UBN2: variants seen among roughly 807,000 people sequenced by gnomAD.
UBN2 encodes ubinuclein 2.
UBN2 carries 35 observed loss-of-function variants against 120.2 expected under a neutral mutation model. That is an observed-to-expected ratio of 0.29 (90% CI 0.22 to 0.39). UBN2 has a LOEUF of 0.39. Ranked by LOEUF, UBN2 falls within the 10% of genes least tolerant of loss-of-function variation. UBN2 has a pLI of 1.00. For synonymous variants in UBN2, 661 were observed against 648.7 expected (o/e 1.02, Z -0.29); for missense variants, 1,693 against 1,663.2 (o/e 1.02, Z -0.31).
intron 2 of UBN2, among the ~76,000 whole-genome samples, chr7:139,244,545 T>G (rs1796411209): frequency 6.6e-6 from 1 of 152,124 alleles, no homozygotes; most frequent in Non-Finnish European, 1.5e-5. Flanking sequence ...TACATGAATA[T>G]GTTCCTTTTA....
chr7:139,320,305 T>C, the UBN2 span, among the ~76,000 whole-genome samples: 1 of 150,262 alleles, frequency 6.7e-6, no homozygotes, highest in Non-Finnish European at 1.5e-5. Context: ...CTACTAAGAA[T>C]ACAAAAATTA....
At chr7:139,318,038 C>T in the UBN2 span, among the ~76,000 whole-genome samples, 1 of 152,148 alleles carries the variant, frequency 6.6e-6, no homozygotes. Flanking sequence ...GATTCTGTGC[C>T]ACTGCTTGTT....
chr7:139,245,422 C>T (rs954708929), intron 2 of UBN2, among the ~76,000 whole-genome samples: 1 of 151,996 alleles, frequency 6.6e-6, no homozygotes, highest in Non-Finnish European at 1.5e-5. Flanking sequence ...TTTATTTGCT[C>T]CCCTTGATAA....
rs1026975778 is a variant in UBN2 at position 139,261,632 on chromosome 7, G to A, written c.1286G>A (p.Gly429Glu). 2 of 1,614,012 alleles carry A rather than the reference G, an allele frequency of 1.2e-6. No individual in the cohort carries two copies. The highest frequency in any genetic ancestry group is 1.7e-6 in the Non-Finnish European group (2 of 1,180,034). The part of the protein sequence containing the change: ...SPLSESGGEN[G>E]TTTQPTYTSQ... ...CTATCTGAGTCGGGGGGTGAAAATG[G>A]AACCACCACCCAGCCAACCTACACT... The change falls in exon 6 of 18, where the codon GGA (glycine) becomes GAA (glutamate). Residue 429 changes from glycine to glutamate, a missense_variant. Gly to Glu is a moderately conservative substitution (Grantham distance 98). This residue lies in a region of UBN2 where 663 missense variants were observed against 591.2 expected (regional missense o/e 1.12). Coordinates refer to ENST00000473989, the MANE Select transcript of UBN2 (RefSeq NM_173569.4).
downstream of UBN2, among the ~76,000 whole-genome samples, chr7:139,312,825 T>C (rs1478680697): frequency 1.3e-5 from 2 of 152,222 alleles, no homozygotes; most frequent in Non-Finnish European, 2.9e-5. Flanking sequence ...CACCTTTGTA[T>C]ACTGTGTAAT....
chr7:139,259,329 A>G lies in UBN2; in HGVS notation c.864A>G (p.Glu288=), dbSNP rs1796860624. ...AGCGGAAGCGGAAAGAGGAAGGGGA[A>G]AAGGAGAAGAAGCCAAGGAAAAAAG... ...MKKRKRKEEG[E]KEKKPRKKVP... is the part of the protein sequence containing the mutation. The change falls in exon 5 of 18, where the codon GAA becomes GAG. Residue 288 remains glutamate, a synonymous_variant. Transcript: ENST00000473989. The G allele has an allele frequency of 6.2e-7, 1 of 1,614,032 alleles. No homozygotes were observed. The highest frequency in any genetic ancestry group is 2.2e-5 in the East Asian group (1 of 44,858).
chr7:139,262,588 G>T (rs938994752), intron 6 of UBN2, among the ~76,000 whole-genome samples: 1 of 151,856 alleles, frequency 6.6e-6, no homozygotes, highest in African/African-American at 2.4e-5. Flanking sequence ...GGTGGCGCGT[G>T]CCTGTAATCC....
In UBN2 at chr7:139,283,060, T is replaced by A. The variant is rs751464417; in HGVS notation, c.2155T>A (p.Ser719Thr). 1 of 1,611,640 alleles carries A rather than the reference T, an allele frequency of 6.2e-7. No homozygotes were observed. The highest frequency in any genetic ancestry group is 1.3e-5 in the African/African-American group (1 of 74,556). The change falls in exon 15 of 18, where the codon TCC becomes ACC. Residue 719 changes from serine to threonine, a missense_variant. Ser to Thr is a moderately conservative substitution (Grantham distance 58). Transcript: ENST00000473989. ...SPKKDQKTPT[S>T]LVASVSGPPT... ...AAAAAAGGACCAGAAAACTCCAACATCCCTGGTGGCTTCGGTTAGCGGTCC... is the reference window on the plus strand; with the variant it reads ...AAAAAAGGACCAGAAAACTCCAACAACCCTGGTGGCTTCGGTTAGCGGTCC...
chr7:139,261,388 G>A lies in UBN2; in HGVS notation c.1042G>A (p.Val348Met). The change falls in exon 6 of 18, where the codon GTG (valine) becomes ATG (methionine). Residue 348 changes from valine (V) to methionine (M), a missense_variant. Physicochemically the swap from Val to Met is conservative, Grantham distance 21 (BLOSUM62 1). Transcript: ENST00000473989. ...GAAGGAGTCTAACCCCAAAGTCCCA[G>A]TGACCTTGTCAACCCCTTCTCTGAA... Reference protein sequence around the residue: ...LKKESNPKVPVTLSTPSLNKP... With the variant: ...LKKESNPKVPMTLSTPSLNKP... 6.2e-7 allele frequency: 1 copy of A among 1,614,202 alleles called. No individual in the cohort carries two copies. The highest frequency in any genetic ancestry group is 1.1e-5 in the South Asian group (1 of 91,088).
In UBN2 at chr7:139,284,250, T is replaced by C. The variant is rs758637810; in HGVS notation, c.3345T>C (p.Ser1115=). ...ACAGCCCAGTCCATAAACAGCCCAG[T>C]GGAATGAACATCAGCAGACAGTCTC... is the stretch of plus-strand genomic sequence containing the variant. ...STNSPVHKQP[S]GMNISRQSPT... is the part of the protein sequence containing the mutation. Residue 1115 remains serine, a synonymous_variant, in exon 15 of 18, where the codon AGT becomes AGC. Transcript: ENST00000473989. 7 of 1,614,124 alleles carry C rather than the reference T, an allele frequency of 4.3e-6. No individual in the cohort carries two copies. The Admixed American group carries it at 1.2e-4, about 27-fold the overall frequency.
At chr7:139,288,164 G>A (rs1307136576) in intron 15 of UBN2, among the ~76,000 whole-genome samples, 3 of 152,182 alleles carry the variant, frequency 2.0e-5, no homozygotes, top group Non-Finnish European at 2.9e-5. Context: ...ACTCTTCTAG[G>A]TGCTGGGGAT....
chr7:139,274,086 GACTT>G lies in UBN2; in HGVS notation c.1973+16_1973+19del. The G allele has an allele frequency of 6.3e-7, 1 of 1,574,826 alleles. No homozygotes were observed. The highest frequency in any genetic ancestry group is 2.1e-5 in the Admixed American group (1 of 47,766). ...TGGATGCAGGCAAGGTAAGAAATGT[GACTT>G]ACTGGATTTTATTTTATTTTATTAT... On this transcript the variant is annotated intron_variant, in intron 11 of 17. Transcript: ENST00000473989.
intron 2 of UBN2, among the ~76,000 whole-genome samples, chr7:139,249,674 A>G (rs1458039553): frequency 2.6e-5 from 4 of 152,024 alleles, no homozygotes; most frequent in African/African-American, 9.7e-5. Context: ...TGGTTTGCAG[A>G]ATCTTTTGCA....
chr7:139,276,926 T>C (rs1475927615), intron 12 of UBN2: 1 of 153,490 alleles, frequency 6.5e-6, no homozygotes, highest in Non-Finnish European at 1.4e-5. Flanking sequence ...TAGCCAGGCA[T>C]GGTGTGTGTG....
chr7:139,291,416 G>A (rs1563227824), intron 15 of UBN2, among the ~76,000 whole-genome samples: 1 of 149,770 alleles, frequency 6.7e-6, no homozygotes, highest in Non-Finnish European at 1.5e-5. Flanking sequence ...ATTTAGAACT[G>A]TTAAAGTTTT....
chr7:139,296,366 A>G (rs1362159643), intron 17 of UBN2, among the ~76,000 whole-genome samples: 1 of 152,246 alleles, frequency 6.6e-6, no homozygotes, highest in Non-Finnish European at 1.5e-5. Flanking sequence ...CTTCATGTGC[A>G]AAAGCAGGCA....
chr7:139,260,198 A>G (rs571810632), intron 5 of UBN2, among the ~76,000 whole-genome samples: 1 of 152,162 alleles, frequency 6.6e-6, no homozygotes, highest in East Asian at 1.9e-4. Flanking sequence ...TCCTGGGATC[A>G]AGGGATCCTC....
downstream of UBN2, among the ~76,000 whole-genome samples, chr7:139,309,489 T>C (rs1049643439): frequency 1.3e-5 from 2 of 152,256 alleles, no homozygotes; most frequent in Non-Finnish European, 2.9e-5. Context: ...AATTTAACTA[T>C]ACTTAACTGT....
In UBN2 at chr7:139,279,305, C is replaced by A. The variant is rs760000578; in HGVS notation, c.2025-13C>A. ...TGCTACTGAAATAGCCTTTTAAAAT[C>A]TTTTTATCTTAGGGCAAAGAAAAAG... On this transcript the variant is annotated splice_polypyrimidine_tract_variant and intron_variant, in intron 12 of 17. Coordinates refer to ENST00000473989, the MANE Select transcript of UBN2 (RefSeq NM_173569.4). The A allele has an allele frequency of 5.0e-6, 8 of 1,606,122 alleles. No individual in the cohort carries two copies. Among genetic ancestry groups the A allele is most frequent in the South Asian group, 2.2e-5 (2 of 90,148 alleles).
Sources: gnomAD v4.1 joint callset for allele counts (sites outside exome capture counted in the v4.1 genomes callset) on GRCh38, gnomAD v4.1.1 for gene constraint, gnomAD v4.1.1 regional missense constraint, MANE v1.5 for transcripts, NCBI Gene and HGNC (gene_info 2026-07-23, HGNC 2026-07-21) for gene names.